Variants in RFC3 observed in about 807,000 individuals in gnomAD.
RFC3 encodes A1 38 kDa subunit.
Under a neutral mutation model 45.1 loss-of-function variants are expected in RFC3, and 41 were observed. That is an observed-to-expected ratio of 0.91 (90% CI 0.71 to 1.18). RFC3 has a LOEUF of 1.18. Among genes scored for constraint, RFC3 ranks in the 50% most tolerant of loss-of-function variants. RFC3 has a pLI of 0.00. For synonymous variants in RFC3, 149 were observed against 144.0 expected, an observed-to-expected ratio of 1.03 and a Z score of -0.25; for missense variants, 423 against 428.1, an observed-to-expected ratio of 0.99 and a Z score of 0.10.
At chr13:33,824,738 A>G (rs995946678) in intron 3 of RFC3, among the ~76,000 whole-genome samples, 1 of 152,204 alleles carries the variant, frequency 6.6e-6, no homozygotes, top group African/African-American at 2.4e-5. Context: ...TGTTTTCAGT[A>G]GCAGGCACTT....
rs1555307454 is a variant in RFC3, at chr13:33,825,866, A to C, written c.371A>C (p.Asn124Thr). Residue 124 changes from asparagine to threonine, a missense_variant, in exon 4 of 9, where the codon AAC (asparagine) becomes ACC (threonine). By Grantham distance (65) the Asn-to-Thr change is moderately conservative. Coordinates refer to ENST00000380071, the MANE Select transcript of RFC3 (RefSeq NM_002915.4). ...TVAQSQQLETNSQRDFKVVLL... is the reference protein window; with the variant it reads ...TVAQSQQLETTSQRDFKVVLL... ...GCACAATCACAACAACTTGAAACAA[A>C]CTCTCAAAGGGATTTTAAAGGTAGG... 6.2e-7 allele frequency: 1 copy of C among 1,607,044 alleles called. No homozygotes were observed. The highest frequency in any genetic ancestry group is 2.2e-5 in the East Asian group (1 of 44,574).
At chr13:33,873,332 A>C (rs2082424725) in intron 8 of RFC3, among the ~76,000 whole-genome samples, 1 of 152,210 alleles carries the variant, frequency 6.6e-6, no homozygotes, top group South Asian at 2.1e-4. Context: ...CACCCATTTT[A>C]CAGATTTAGA....
At chr13:33,851,232 C>A (rs2082274379) in intron 8 of RFC3, among the ~76,000 whole-genome samples, 1 of 152,128 alleles carries the variant, frequency 6.6e-6, no homozygotes, top group South Asian at 2.1e-4. Flanking sequence ...TTTCTCTACC[C>A]CCATTTCCTG....
intron 8 of RFC3, among the ~76,000 whole-genome samples, chr13:33,935,032 T>A (rs2082877427): frequency 6.6e-6 from 1 of 152,176 alleles, no homozygotes; most frequent in South Asian, 2.1e-4. Flanking sequence ...CTTCCTTGTT[T>A]GGAAAGTCTT....
chr13:33,826,451 C>A (rs1328783271), intron 4 of RFC3, among the ~76,000 whole-genome samples: 1 of 152,094 alleles, frequency 6.6e-6, no homozygotes, highest in African/African-American at 2.4e-5. Flanking sequence ...TAATCTTTGT[C>A]AGTTTGAGTG....
At chr13:33,928,552 A>G (rs1315863073) in intron 8 of RFC3, among the ~76,000 whole-genome samples, 1 of 152,132 alleles carries the variant, frequency 6.6e-6, no homozygotes, top group East Asian at 1.9e-4. Flanking sequence ...TGCTTGTTAA[A>G]TTAAAGGTGT....
chr13:33,929,033 C>CT (rs900788995), intron 8 of RFC3, among the ~76,000 whole-genome samples: 5 of 151,748 alleles, frequency 3.3e-5, no homozygotes, highest in East Asian at 3.9e-4. Flanking sequence ...TAATTTTTTT[C>CT]TTTTTTTTCC....
chr13:33,932,393 T>G (rs1339419049), intron 8 of RFC3, among the ~76,000 whole-genome samples: 1 of 152,152 alleles, frequency 6.6e-6, no homozygotes, highest in African/African-American at 2.4e-5. Flanking sequence ...GCAGTATATT[T>G]TGGGAAGAAT....
chr13:33,897,992 C>T (rs918481615), intron 8 of RFC3, among the ~76,000 whole-genome samples: 2 of 151,752 alleles, frequency 1.3e-5, no homozygotes, highest in Non-Finnish European at 2.9e-5. Context: ...TACTCATAAA[C>T]ATTAAAACTT....
chr13:33,884,836 T>C (rs891921335), intron 8 of RFC3, among the ~76,000 whole-genome samples: 3 of 152,180 alleles, frequency 2.0e-5, no homozygotes, highest in African/African-American at 2.4e-5. Context: ...TGTTATTTCA[T>C]GTGGACAGAT....
At chr13:33,831,026 G>A (rs78607235) in intron 6 of RFC3, among the ~76,000 whole-genome samples, 171 bp downstream of exon 6, 18 of 152,282 alleles carry the variant, frequency 1.2e-4, no homozygotes, top group African/African-American at 3.1e-4. Flanking sequence ...CATTTGGAGC[G>A]TAGATCCCTT....
At position 33,821,155 on chromosome 13, in the gene RFC3, T is replaced by C; in HGVS notation, c.111T>C (p.His37=). Residue 37 remains histidine (H), a synonymous_variant, in exon 2 of 9, where the codon CAT becomes CAC. Transcript: ENST00000380071. ...RNLVQCGDFP[H]LLVYGPSGAG... Reference sequence around the variant, plus strand: ...AGGTGCAGTGTGGTGACTTTCCTCATCTGTTAGTGTACGGACCATCAGGTG... The same window carrying C: ...AGGTGCAGTGTGGTGACTTTCCTCACCTGTTAGTGTACGGACCATCAGGTG... 1 of 1,613,684 alleles carries C rather than the reference T, an allele frequency of 6.2e-7. No homozygotes were observed. The highest frequency in any genetic ancestry group is 8.5e-7 in the Non-Finnish European group (1 of 1,179,766).
intron 8 of RFC3, among the ~76,000 whole-genome samples, chr13:33,953,386 G>A (rs1301273373): frequency 6.7e-6 from 1 of 149,254 alleles, no homozygotes; most frequent in East Asian, 2.0e-4. Flanking sequence ...TCTCCTGGAA[G>A]CCTTTCAATA....
intron 8 of RFC3, among the ~76,000 whole-genome samples, chr13:33,964,453 G>A (rs142448144): frequency 2.0e-5 from 3 of 152,136 alleles, no homozygotes; most frequent in Non-Finnish European, 4.4e-5. Context: ...AAATCATTCT[G>A]TTTTTGTCCA....
intron 8 of RFC3, among the ~76,000 whole-genome samples, chr13:33,965,320 C>G (rs7317918): frequency 0.94 from 142,690 of 152,196 alleles, 67,547 homozygotes; most frequent in East Asian, 1. Flanking sequence ...CTATGAGATT[C>G]TAATACTGTA....
chr13:33,881,482 T>C (rs1199273155), intron 8 of RFC3, among the ~76,000 whole-genome samples: 1 of 152,168 alleles, frequency 6.6e-6, no homozygotes, highest in Admixed American at 6.5e-5. Flanking sequence ...CATTCTTGCA[T>C]CATTCTGGCT....
At chr13:33,973,146 G>A in the RFC3 span, among the ~76,000 whole-genome samples, 8 of 152,046 alleles carry the variant, frequency 5.3e-5, no homozygotes, top group African/African-American at 1.9e-4. Flanking sequence ...CAGACTGTGT[G>A]TGTGTGTGTA....
rs200796555 is a variant in RFC3, at chr13:33,829,957, G to A, written c.513G>A (p.Val171=). 17 of 1,614,014 alleles carry A rather than the reference G, an allele frequency of 1.1e-5. No individual in the cohort carries two copies. Among genetic ancestry groups the A allele is most frequent in the Non-Finnish European group, 5.9e-6 (7 of 1,179,992 alleles). Reference sequence around the variant, plus strand: ...TGTGCTGCAATTCTACATCTAAAGTGATCCCACCTATTCGTAGTAGGTGCT... The same window carrying A: ...TGTGCTGCAATTCTACATCTAAAGTAATCCCACCTATTCGTAGTAGGTGCT... The part of the protein sequence containing the change: ...LILCCNSTSK[V]IPPIRSRCLA... The change falls in exon 5 of 9, where the codon GTG becomes GTA. Residue 171 remains valine, a synonymous_variant. Coordinates refer to ENST00000380071, the MANE Select transcript of RFC3 (RefSeq NM_002915.4).
At chr13:33,874,979 AG>A (rs1171297933) in intron 8 of RFC3, among the ~76,000 whole-genome samples, 2 of 152,212 alleles carry the variant, frequency 1.3e-5, no homozygotes, top group Non-Finnish European at 1.5e-5. Flanking sequence ...GGATCTTGAA[AG>A]TCCACCTGTG....
Sources: allele counts gnomAD v4.1 joint callset (sites outside exome capture counted in the v4.1 genomes callset), GRCh38; gene constraint gnomAD v4.1.1; transcripts MANE v1.5; gene names NCBI Gene and HGNC (gene_info 2026-07-23, HGNC 2026-07-21).